ERBB4: variants seen among roughly 807,000 people sequenced by gnomAD.
The protein encoded by ERBB4 is erb-b2 receptor tyrosine kinase 4.
ERBB4 carries 42 observed loss-of-function variants against 158.0 expected under a neutral mutation model. That is an observed-to-expected ratio of 0.27 (90% CI 0.21 to 0.34). ERBB4 has a LOEUF of 0.34. ERBB4 is among the 10% of genes least tolerant of loss of function. ERBB4 has a pLI of 1.00. For synonymous variants in ERBB4, 583 were observed against 558.7 expected (o/e 1.04, Z -0.61); for missense variants, 1,333 against 1,624.1 (o/e 0.82, Z 3.08).
At chr2:211,622,430 G>C (rs1177856914) in intron 18 of ERBB4, among the ~76,000 whole-genome samples, 1 of 152,028 alleles carries the variant, frequency 6.6e-6, no homozygotes, top group Non-Finnish European at 1.5e-5. Context: ...CATACTAAAA[G>C]ATTAGAAAAC....
At chr2:212,035,487 G>A (rs1473523194) in intron 2 of ERBB4, among the ~76,000 whole-genome samples, 1 of 152,154 alleles carries the variant, frequency 6.6e-6, no homozygotes, top group Non-Finnish European at 1.5e-5. Context: ...CATCAACTCA[G>A]AAAGGCTTTT....
chr2:211,715,693 C>T (rs1277116350), intron 7 of ERBB4, among the ~76,000 whole-genome samples: 1 of 152,144 alleles, frequency 6.6e-6, no homozygotes, highest in Non-Finnish European at 1.5e-5. Context: ...CTCTCTCTTC[C>T]TCCTGCTCTG....
chr2:211,792,546 T>A (rs2076298765), intron 3 of ERBB4, among the ~76,000 whole-genome samples: 1 of 151,840 alleles, frequency 6.6e-6, no homozygotes, highest in Admixed American at 6.6e-5. Context: ...AACTCAATTA[T>A]TAGTTACCAG....
chr2:211,537,241 T>C (rs933579401), intron 20 of ERBB4, among the ~76,000 whole-genome samples: 1 of 152,004 alleles, frequency 6.6e-6, no homozygotes, highest in Non-Finnish European at 1.5e-5. Flanking sequence ...CATTTTTCCA[T>C]CTACTACAAT....
chr2:211,490,591 A>G (rs989871505), intron 20 of ERBB4, among the ~76,000 whole-genome samples: 1 of 152,050 alleles, frequency 6.6e-6, no homozygotes, highest in Admixed American at 6.6e-5. Context: ...AGACTTTCAG[A>G]AGCTATGGAG....
At chr2:212,361,347 C>A (rs1560112578) in intron 1 of ERBB4, among the ~76,000 whole-genome samples, 1 of 151,564 alleles carries the variant, frequency 6.6e-6, no homozygotes, top group Non-Finnish European at 1.5e-5. Context: ...ATATTTCATA[C>A]TGATGAAGCA....
intron 2 of ERBB4, among the ~76,000 whole-genome samples, chr2:212,102,783 A>C (rs763812458): frequency 1.3e-5 from 2 of 152,050 alleles, no homozygotes; most frequent in Non-Finnish European, 2.9e-5. Flanking sequence ...AACCTCTTCC[A>C]CTCAATTGAT....
chr2:211,740,622 C>CTTTTTTTTTTTTTTTTTTTTTTTTTTGTT (rs1169540948), intron 5 of ERBB4, among the ~76,000 whole-genome samples: 1 of 90,174 alleles, frequency 1.1e-5, no homozygotes, highest in African/African-American at 4.8e-5. Flanking sequence ...TTTTCTTTGT[C>CTTTTTTTTTTTTTTTTTTTTTTTTTTGTT]TTTTTTTTTT....
rs139959483 is a variant in ERBB4 at position 212,236,280 on chromosome 2, G to A, written c.83-111377C>T. Reference sequence around the variant, plus strand: ...TGATGGATTATGTTTATTGATTTGCGTATGTTGAACCAGCCTTGCATCCCA... The same window carrying A: ...TGATGGATTATGTTTATTGATTTGCATATGTTGAACCAGCCTTGCATCCCA... On this transcript the variant is annotated intron_variant, in intron 1 of 27. Transcript: ENST00000342788. Among the ~76,000 whole-genome samples, 1,424 of 152,224 alleles carry A rather than the reference G, an allele frequency of 9.4e-3. 15 individuals are homozygous for A. Among genetic ancestry groups the A allele is most frequent in the African/African-American group, 0.031 (1,292 of 41,536 alleles).
At chr2:212,397,159 A>G (rs2091052302) in intron 1 of ERBB4, among the ~76,000 whole-genome samples, 1 of 152,074 alleles carries the variant, frequency 6.6e-6, no homozygotes, top group African/African-American at 2.4e-5. Context: ...TAGTTATAAA[A>G]TATCAGAATG....
At chr2:211,854,894 A>C (rs1040273576) in intron 3 of ERBB4, among the ~76,000 whole-genome samples, 1 of 152,102 alleles carries the variant, frequency 6.6e-6, no homozygotes, top group Non-Finnish European at 1.5e-5. Context: ...AAGTTTCTAG[A>C]TCACATGGTA....
intron 5 of ERBB4, among the ~76,000 whole-genome samples, chr2:211,732,722 G>A (rs570474014): frequency 6.6e-6 from 1 of 152,170 alleles, no homozygotes; most frequent in Admixed American, 6.5e-5. Flanking sequence ...ACTTTGGAAG[G>A]CTGAGGCAGG....
chr2:212,446,579 ATATATATATATG>A lies in ERBB4; in HGVS notation c.82+91858_82+91869del, dbSNP rs1291455017. Reference sequence around the variant, plus strand: ...GTAAGTTAATACTTAATAAACTCCCATATATATATATGTATATATATATATATATATATATAT... The same window carrying A: ...GTAAGTTAATACTTAATAAACTCCCATATATATATATATATATATATATAT... On this transcript the variant is annotated intron_variant, in intron 1 of 27. Coordinates refer to ENST00000342788, the MANE Select transcript of ERBB4 (RefSeq NM_005235.3). 3.3e-3 allele frequency among the ~76,000 whole-genome samples: 73 copies of A among 21,900 alleles called. 10 individuals carry two copies. The African/African-American group carries it at 0.047, about 14-fold the overall frequency. 14.4% of individuals were successfully genotyped at this position (21,900 alleles called of 152,430 possible).
chr2:212,227,283 C>A (rs929499833), intron 1 of ERBB4, among the ~76,000 whole-genome samples: 1 of 151,146 alleles, frequency 6.6e-6, no homozygotes, highest in African/African-American at 2.4e-5. Context: ...ATGGAGATTA[C>A]AAGCAGCAAT....
At chr2:211,852,014 C>T (rs2077732705) in intron 3 of ERBB4, among the ~76,000 whole-genome samples, 1 of 151,878 alleles carries the variant, frequency 6.6e-6, no homozygotes. Flanking sequence ...TATTAACAAG[C>T]TTCAACATGA....
intron 1 of ERBB4, among the ~76,000 whole-genome samples, chr2:212,458,262 G>T (rs1038476974): frequency 7.9e-5 from 12 of 151,970 alleles, no homozygotes; most frequent in Non-Finnish European, 1.5e-5. Flanking sequence ...GCAGCCAAGG[G>T]GAAAATTCCA....
chr2:212,081,828 T>G (rs181630200), intron 2 of ERBB4, among the ~76,000 whole-genome samples: 102 of 152,240 alleles, frequency 6.7e-4, no homozygotes, highest in African/African-American at 2.3e-3. Context: ...GGGCTGTCAG[T>G]TCTGGGTTTT....
chr2:211,547,155 A>G (rs1004318762), intron 20 of ERBB4, among the ~76,000 whole-genome samples: 2 of 152,096 alleles, frequency 1.3e-5, no homozygotes, highest in African/African-American at 2.4e-5. Context: ...GTTATACAAG[A>G]TGTTATTATT....
At position 211,505,732 on chromosome 2, in the gene ERBB4, G is replaced by A. The variant is rs563492492; in HGVS notation, c.2487+56171C>T. On this transcript the variant is annotated intron_variant, in intron 20 of 27. Coordinates refer to ENST00000342788, the MANE Select transcript of ERBB4 (RefSeq NM_005235.3). ...TCCCAGCACTTTGGGAGGCAGAGGC[G>A]GGTGGATCACGAGGTCAGGAGATCA... is the stretch of plus-strand genomic sequence containing the variant. Among the ~76,000 whole-genome samples the A allele has an allele frequency of 1.6e-4, 25 of 152,192 alleles. No homozygotes were observed. The East Asian group carries it at 3.9e-3, about 24-fold the overall frequency.
Sources: gnomAD v4.1 joint callset for allele counts (sites outside exome capture counted in the v4.1 genomes callset) on GRCh38, gnomAD v4.1.1 for gene constraint, MANE v1.5 for transcripts, NCBI Gene and HGNC (gene_info 2026-07-23, HGNC 2026-07-21) for gene names.